OGFOD3: variants seen among roughly 807,000 people sequenced by gnomAD.
OGFOD3 encodes the protein 2-oxoglutarate and iron-dependent oxygenase domain-containing protein 3.
In OGFOD3, 35 loss-of-function variants were observed where a neutral mutation model predicts 39.8. The observed-to-expected ratio is 0.88, with a 90% CI of 0.67 to 1.17. The LOEUF is 1.17. Ranked by LOEUF, OGFOD3 falls within the 50% of genes most tolerant of loss-of-function variation. The probability of loss-of-function intolerance (pLI) is 0.00; values close to 1 mark genes in which losing one functional copy is unlikely to be tolerated. For synonymous variants in OGFOD3, 200 were observed against 192.0 expected (o/e 1.04, Z -0.34); for missense variants, 438 against 454.5 (o/e 0.96, Z 0.33).
At chr17:82,394,993 G>GC (rs1462775803) in intron 8 of OGFOD3, among the ~76,000 whole-genome samples, 1 of 152,210 alleles carries the variant, frequency 6.6e-6, no homozygotes, top group East Asian at 1.9e-4. Context: ...TCCTCAACCT[G>GC]CCCCACGGCC....
In OGFOD3 at chr17:82,392,761, C is replaced by T; in HGVS notation, c.824-227G>A. ...TGGCGGAGGAGGGGCCCCCCGGGGC[C>T]AGCAGGGACTCTGTGGTGGGCAGGA... On this transcript the variant is annotated intron_variant, in intron 8 of 8. Transcript: ENST00000313056. The surrounding 1 kb of genome is among the most constrained non-coding windows in gnomAD (Gnocchi z 4.2). 1.7e-6 allele frequency: 1 copy of T among 581,282 alleles called. No homozygotes were observed. The highest frequency in any genetic ancestry group is 3.0e-5 in the East Asian group (1 of 33,852). 36.0% of individuals were successfully genotyped at this position (581,282 alleles called of 1,614,324 possible). A position where few individuals can be genotyped will look rare whatever the true frequency, so the allele number is the denominator to read the frequency against.
At chr17:82,416,197 T>C (rs2053031559) in intron 1 of OGFOD3, among the ~76,000 whole-genome samples, 1 of 152,188 alleles carries the variant, frequency 6.6e-6, no homozygotes, top group Non-Finnish European at 1.5e-5. Flanking sequence ...GATTGTGCCA[T>C]TGCACTCCAG....
intron 4 of OGFOD3, among the ~76,000 whole-genome samples, chr17:82,407,452 T>C (rs2052873333): frequency 6.6e-6 from 1 of 152,222 alleles, no homozygotes; most frequent in African/African-American, 2.4e-5. Context: ...TGCTCCCACC[T>C]TGGCCTCCTG....
intron 7 of OGFOD3, among the ~76,000 whole-genome samples, chr17:82,403,505 G>T (rs1439207433): frequency 1.3e-5 from 2 of 152,140 alleles, no homozygotes; most frequent in Non-Finnish European, 2.9e-5. Flanking sequence ...GGTGGGGCAT[G>T]CCTGTAGTCC....
rs947603875 is a variant in OGFOD3 at position 82,415,696 on chromosome 17, C to G, written c.75-69G>C. 4.4e-6 allele frequency: 6 copies of G among 1,349,922 alleles called. No individual in the cohort carries two copies. Among genetic ancestry groups the G allele is most frequent in the Non-Finnish European group, 6.1e-6 (6 of 985,172 alleles). 83.6% of individuals were successfully genotyped at this position (1,349,922 alleles called of 1,614,324 possible). On this transcript the variant is annotated intron_variant, in intron 1 of 8. Transcript: ENST00000313056. This position sits in a 1 kb window ranked among gnomAD's most constrained non-coding sequence, Gnocchi z 5.3. ...GCCAGAGAAAACGCTCCCCGATCAT[C>G]AAAGTGCATGCACCATGACCCGGCC...
At chr17:82,418,014 T>G (rs2053098708) in intron 1 of OGFOD3, among the ~76,000 whole-genome samples, 1 of 152,148 alleles carries the variant, frequency 6.6e-6, no homozygotes, top group African/African-American at 2.4e-5. Flanking sequence ...GAAAGCAGGT[T>G]TCGTGGTTTA....
intron 3 of OGFOD3, 98 bp from the exon 4 acceptor site, chr17:82,409,508 G>A: frequency 9.3e-7 from 1 of 1,076,116 alleles, no homozygotes; most frequent in East Asian, 2.4e-5. Flanking sequence ...AACATTAGTG[G>A]GTCCTGCGTG....
intron 8 of OGFOD3, chr17:82,394,604 A>G: frequency 1.5e-6 from 2 of 1,310,300 alleles, no homozygotes; most frequent in Non-Finnish European, 2.1e-6. Context: ...TGGGCGGTGC[A>G]CACCCTACAC....
At chr17:82,407,880 C>A (rs976780539) in intron 4 of OGFOD3, among the ~76,000 whole-genome samples, 3 of 152,196 alleles carry the variant, frequency 2.0e-5, no homozygotes, top group Non-Finnish European at 4.4e-5. Flanking sequence ...CGGTGGTTCA[C>A]ACCTGTAATC....
Position 82,409,430 on chromosome 17 carries a change from C to A in OGFOD3, c.381-20G>T. 1 of 1,613,274 alleles carries A rather than the reference C, an allele frequency of 6.2e-7. No individual in the cohort carries two copies. The highest frequency in any genetic ancestry group is 8.5e-7 in the Non-Finnish European group (1 of 1,179,294). On this transcript the variant is annotated intron_variant, in intron 3 of 8. Coordinates refer to ENST00000313056, the MANE Select transcript of OGFOD3 (RefSeq NM_024648.3). ...GCTACGCTGCAGGGAGAAAATAATT[C>A]AGAATTTCGTTGCTAGAATTGTCTA...
At chr17:82,416,115 A>G (rs1215790480) in intron 1 of OGFOD3, among the ~76,000 whole-genome samples, 1 of 152,016 alleles carries the variant, frequency 6.6e-6, no homozygotes, top group Non-Finnish European at 1.5e-5. Flanking sequence ...ACATGCCTGT[A>G]GTCCCTGCTA....
rs746605089 is a variant in OGFOD3, at chr17:82,398,183, C to T, written c.823+13G>A. ...CAGGAGCCCCACGCCCAGGCCCCGC[C>T]CGCGCCTCCTACCAGCTCTCGGCTC... On this transcript the variant is annotated intron_variant, in intron 8 of 8. Coordinates refer to ENST00000313056, the MANE Select transcript of OGFOD3 (RefSeq NM_024648.3). The T allele has an allele frequency of 3.4e-5, 55 of 1,613,776 alleles. No homozygotes were observed. Among genetic ancestry groups the T allele is most frequent in the Non-Finnish European group, 4.6e-5 (54 of 1,179,926 alleles).
At position 82,389,727 on chromosome 17, in the gene OGFOD3, A is replaced by G. The variant is rs914905469; in HGVS notation, c.*2671T>C. On this transcript the variant is annotated 3_prime_UTR_variant, in exon 9 of 9. Transcript: ENST00000313056. The surrounding 1 kb of genome is among the most constrained non-coding windows in gnomAD (Gnocchi z 4.6). ...ACTATGTTGCACAGATGGGTCTCCAACTCCTGGGCTCAAGTGATCTTCCTA... is the reference window on the plus strand; with the variant it reads ...ACTATGTTGCACAGATGGGTCTCCAGCTCCTGGGCTCAAGTGATCTTCCTA... The G allele has an allele frequency of 6.6e-6, 1 of 151,832 alleles. No homozygotes were observed. Among genetic ancestry groups the G allele is most frequent in the Non-Finnish European group, 1.5e-5 (1 of 67,986 alleles). 9.4% of individuals were successfully genotyped at this position (151,832 alleles called of 1,614,324 possible).
At position 82,392,581 on chromosome 17, in the gene OGFOD3, G is replaced by T; in HGVS notation, c.824-47C>A. The T allele has an allele frequency of 6.4e-7, 1 of 1,552,196 alleles. No individual in the cohort carries two copies. Among genetic ancestry groups the T allele is most frequent in the Non-Finnish European group, 8.7e-7 (1 of 1,147,636 alleles). ...AGGTGGCCATAGAGCCACACCCACGGCCACAGCCTTCAGAGGGTCTGCGGT... is the reference window on the plus strand; with the variant it reads ...AGGTGGCCATAGAGCCACACCCACGTCCACAGCCTTCAGAGGGTCTGCGGT... On this transcript the variant is annotated intron_variant, in intron 8 of 8. Coordinates refer to ENST00000313056, the MANE Select transcript of OGFOD3 (RefSeq NM_024648.3). The surrounding 1 kb of genome is among the most constrained non-coding windows in gnomAD (Gnocchi z 4.2).
chr17:82,403,781 C>A lies in OGFOD3; in HGVS notation c.699+156G>T, dbSNP rs994457438. The stretch of plus-strand genomic sequence containing the variant: ...CATGCGCGCTCACCCTGCCCACGTG[C>A]GTACTCACCCTGCCCACGTACGCAC... On this transcript the variant is annotated intron_variant, in intron 7 of 8. Transcript: ENST00000313056. 1.8e-5 allele frequency: 18 copies of A among 993,960 alleles called. No individual in the cohort carries two copies. In the Admixed American group the frequency reaches 3.3e-4, roughly 18 times the overall value. 61.6% of individuals were successfully genotyped at this position (993,960 alleles called of 1,614,324 possible). A position where few individuals can be genotyped will look rare whatever the true frequency, so the allele number is the denominator to read the frequency against.
chr17:82,394,653 G>T (rs890245557), intron 8 of OGFOD3: 1 of 792,050 alleles, frequency 1.3e-6, no homozygotes, highest in South Asian at 2.0e-5. Context: ...CGGCTCCCAG[G>T]GGGGACCTCT....
rs143486890 is a variant in OGFOD3 at position 82,399,695 on chromosome 17, C to T, written c.700-1376G>A. ...GAACCTGGCGACTCTAGGGTCCCCA[C>T]GGACGTGGGATCAGGCAGGATCTGT... On this transcript the variant is annotated intron_variant, in intron 7 of 8. Coordinates refer to ENST00000313056, the MANE Select transcript of OGFOD3 (RefSeq NM_024648.3). Among the ~76,000 whole-genome samples, 481 of 152,352 alleles carry T rather than the reference C, an allele frequency of 3.2e-3. 10 individuals are homozygous for T. Among genetic ancestry groups the T allele is most frequent in the Non-Finnish European group, 4.1e-3 (277 of 68,024 alleles).
At position 82,404,933 on chromosome 17, in the gene OGFOD3, G is replaced by A. The variant is rs2052831229; in HGVS notation, c.545+391C>T. On this transcript the variant is annotated intron_variant, in intron 6 of 8. Transcript: ENST00000313056. The surrounding 1 kb of genome is among the most constrained non-coding windows in gnomAD (Gnocchi z 4.5). Reference sequence around the variant, plus strand: ...TTTTTGTACTTTTAGTAAAGATGGGGTTTCACCATGTTGGCTAGGCTGGTC... The same window carrying A: ...TTTTTGTACTTTTAGTAAAGATGGGATTTCACCATGTTGGCTAGGCTGGTC... 2.0e-5 allele frequency among the ~76,000 whole-genome samples: 3 copies of A among 151,992 alleles called. No individual in the cohort carries two copies. The highest frequency in any genetic ancestry group is 7.3e-5 in the African/African-American group (3 of 41,378).
intron 4 of OGFOD3, among the ~76,000 whole-genome samples, chr17:82,409,033 C>T (rs2052900989): frequency 6.6e-6 from 1 of 152,242 alleles, no homozygotes; most frequent in African/African-American, 2.4e-5. Flanking sequence ...GCATGCGCAG[C>T]CGTCTCCTCG....
Sources: allele counts gnomAD v4.1 joint callset (sites outside exome capture counted in the v4.1 genomes callset), GRCh38; gene constraint gnomAD v4.1.1; non-coding constraint Gnocchi (gnomAD v3.1); transcripts MANE v1.5; gene names NCBI Gene and HGNC (gene_info 2026-07-23, HGNC 2026-07-21).